The following MAGEE1 variants were observed in gnomAD, a reference collection of about 807,000 sequenced individuals.
MAGEE1 encodes the protein MAGE family member E1.
MAGEE1 carries 3 observed loss-of-function variants against 12.0 expected under a neutral mutation model. The observed-to-expected ratio is 0.25, with a 90% CI of 0.11 to 0.65. The LOEUF (loss-of-function observed/expected upper bound fraction) is 0.65, where lower values mean the gene tolerates loss of function less well. Among genes scored for constraint, MAGEE1 ranks in the 30% least tolerant of loss-of-function variants. The pLI is 0.84. For synonymous variants in MAGEE1, 414 were observed against 326.1 expected (o/e 1.27, Z -2.91); for missense variants, 729 against 772.2 (o/e 0.94, Z 0.66).
chrX:76,428,635 C>G lies in MAGEE1; in HGVS notation c.705C>G (p.Ser235=), dbSNP rs782646427. The G allele has an allele frequency of 8.3e-7, 1 of 1,207,935 alleles. No individual in the cohort carries two copies. The highest frequency in any genetic ancestry group is 3.0e-5 in the East Asian group (1 of 33,713). The change falls in exon 1 of 1, where the codon TCC becomes TCG. Residue 235 remains serine (S), a synonymous_variant. Transcript: ENST00000361470. ...QATPDEGPST[S]VPPTATEGLS... is the part of the protein sequence containing the mutation. ...CTCCTGATGAGGGACCGAGCACCTC[C>G]GTGCCGCCCACCGCCACTGAGGGCC...
In MAGEE1 at chrX:76,429,139, C is replaced by T. The variant is rs781971773; in HGVS notation, c.1209C>T (p.Ser403=). Residue 403 remains serine, a synonymous_variant, in exon 1 of 1, where the codon TCC becomes TCT. Coordinates refer to ENST00000361470, the MANE Select transcript of MAGEE1 (RefSeq NM_020932.3). ...CCGCCCCTGACGGACCGGGAAGCTC[C>T]GTGCTGCCTAACCCTGGTGAGGGCC... ...QPTAPDGPGS[S]VLPNPGEGPS... 4 of 1,211,867 alleles carry T rather than the reference C, an allele frequency of 3.3e-6. No homozygotes were observed. The highest frequency in any genetic ancestry group is 1.7e-5 in the African/African-American group (1 of 58,058).
chrX:76,427,763 A>G lies in MAGEE1; in HGVS notation c.-168A>G. 1 of 541,861 alleles carries G rather than the reference A, an allele frequency of 1.8e-6. No individual in the cohort carries two copies. The highest frequency in any genetic ancestry group is 3.0e-6 in the Non-Finnish European group (1 of 332,791). 44.7% of individuals were successfully genotyped at this position (541,861 alleles called of 1,213,427 possible). ...AGTGCCTGCCTTTTTCACCACCTCT[A>G]ATTTCAGCTTCAGCAGTTGCTTGGA... On this transcript the variant is annotated 5_prime_UTR_variant, in exon 1 of 1. Transcript: ENST00000361470.
In MAGEE1 at chrX:76,428,892, C is replaced by T. The variant is rs374600223; in HGVS notation, c.962C>T (p.Pro321Leu). The change falls in exon 1 of 1, where the codon CCG (proline) becomes CTG (leucine). Residue 321 changes from proline to leucine, a missense_variant. By Grantham distance (98) the Pro-to-Leu change is moderately conservative. Transcript: ENST00000361470. ...TAGEGSSTSV[P>L]PTPGGGLSTS... is the part of the protein sequence containing the mutation. ...GGTGAGGGATCGAGCACCTCCGTGCCGCCCACCCCTGGTGGGGGACTGAGC... is the reference window on the plus strand; with the variant it reads ...GGTGAGGGATCGAGCACCTCCGTGCTGCCCACCCCTGGTGGGGGACTGAGC... The T allele has an allele frequency of 8.3e-6, 10 of 1,205,962 alleles. No individual in the cohort carries two copies. Among genetic ancestry groups the T allele is most frequent in the Admixed American group, 4.4e-5 (2 of 45,629 alleles).
chrX:76,430,059 G>A lies in MAGEE1; in HGVS notation c.2129G>A (p.Arg710Lys). ...GGTTGGCAGGCTCTCCCTCACTTTAGGAGGCCCTTTTTTGAGGAAGCTGCT... is the reference window on the plus strand; with the variant it reads ...GGTTGGCAGGCTCTCCCTCACTTTAAGAGGCCCTTTTTTGAGGAAGCTGCT... ...AEGWQALPHF[R>K]RPFFEEAAAE... is the part of the protein sequence containing the mutation. Residue 710 changes from arginine to lysine, a missense_variant, in exon 1 of 1, where the codon AGG becomes AAG. By Grantham distance (26) the Arg-to-Lys change is conservative (BLOSUM62 2). Around this residue, in one of 4 missense-constraint regions of MAGEE1, gnomAD observed 64 missense variants for 53.4 expected, o/e 1.20. Transcript: ENST00000361470. 1 of 1,209,562 alleles carries A rather than the reference G, an allele frequency of 8.3e-7. No individual in the cohort carries two copies. The highest frequency in any genetic ancestry group is 1.1e-6 in the Non-Finnish European group (1 of 894,252).
In MAGEE1 at chrX:76,430,493, T is replaced by G; in HGVS notation, c.2563T>G (p.Ser855Ala). ...IFIMGNHARESAVWAFLRGLG... is the reference protein window; with the variant it reads ...IFIMGNHAREAAVWAFLRGLG... ...TATTATGGGCAACCATGCCAGGGAG[T>G]CTGCAGTCTGGGCCTTTCTGCGGGG... The change falls in exon 1 of 1, where the codon TCT becomes GCT. Residue 855 changes from serine (S) to alanine (A), a missense_variant. Physicochemically the swap from Ser to Ala is moderately conservative, Grantham distance 99 (BLOSUM62 1). Transcript: ENST00000361470. The G allele has an allele frequency of 8.3e-7, 1 of 1,207,310 alleles. No homozygotes were observed. Among genetic ancestry groups the G allele is most frequent in the Non-Finnish European group, 1.1e-6 (1 of 893,644 alleles).
At position 76,429,074 on chromosome X, in the gene MAGEE1, C is replaced by T. The variant is rs1556839591; in HGVS notation, c.1144C>T (p.Pro382Ser). 3.3e-6 allele frequency: 4 copies of T among 1,211,714 alleles called. No individual in the cohort carries two copies. In the South Asian group the frequency reaches 5.3e-5, roughly 16 times the overall value. The change falls in exon 1 of 1, where the codon CCC becomes TCC. Residue 382 changes from proline (P) to serine (S), a missense_variant. Physicochemically the swap from Pro to Ser is moderately conservative, Grantham distance 74. Coordinates refer to ENST00000361470, the MANE Select transcript of MAGEE1 (RefSeq NM_020932.3). Reference sequence around the variant, plus strand: ...TGATGGATCGGACACCTCCGTGCCGCCCACTCCTGGTGAGGGCGCAAGCAC... The same window carrying T: ...TGATGGATCGGACACCTCCGTGCCGTCCACTCCTGGTGAGGGCGCAAGCAC... Reference protein sequence around the residue: ...ASDGSDTSVPPTPGEGASTLV... With the variant: ...ASDGSDTSVPSTPGEGASTLV...
In MAGEE1 at chrX:76,429,586, C is replaced by G. The variant is rs1556839722; in HGVS notation, c.1656C>G (p.Asp552Glu). 4 of 1,209,359 alleles carry G rather than the reference C, an allele frequency of 3.3e-6. No homozygotes were observed. Among genetic ancestry groups the G allele is most frequent in the Admixed American group, 2.2e-5 (1 of 45,688 alleles). Residue 552 changes from aspartate to glutamate, a missense_variant, in exon 1 of 1, where the codon GAC (aspartate) becomes GAG (glutamate). Around this residue, in one of 4 missense-constraint regions of MAGEE1, gnomAD observed 91 missense variants for 133.8 expected, o/e 0.68. Coordinates refer to ENST00000361470, the MANE Select transcript of MAGEE1 (RefSeq NM_020932.3). Reference sequence around the variant, plus strand: ...TTAGGTTTGAATTGAGAGAACTTGACCCTGAGGCACACACCTACATTCTGT... The same window carrying G: ...TTAGGTTTGAATTGAGAGAACTTGAGCCTGAGGCACACACCTACATTCTGT... ...CIFRFELREL[D>E]PEAHTYILLN...
Position 76,429,627 on chromosome X carries a change from C to A in MAGEE1, c.1697C>A (p.Pro566His). 8.3e-7 allele frequency: 1 copy of A among 1,210,622 alleles called. No homozygotes were observed. Among genetic ancestry groups the A allele is most frequent in the Non-Finnish European group, 1.1e-6 (1 of 895,043 alleles). The stretch of plus-strand genomic sequence containing the variant: ...TACATTCTGTTAAACAAACTGGGAC[C>A]TGTGCCCTTTGAAGGGTTAGAAGAG... ...HTYILLNKLG[P>H]VPFEGLEESP... The change falls in exon 1 of 1, where the codon CCT becomes CAT. Residue 566 changes from proline (P) to histidine (H), a missense_variant. Physicochemically the swap from Pro to His is moderately conservative, Grantham distance 77. This residue lies in a region of MAGEE1 where 91 missense variants were observed against 133.8 expected (regional missense o/e 0.68). Transcript: ENST00000361470.
In MAGEE1 at chrX:76,429,149, A is replaced by T; in HGVS notation, c.1219A>T (p.Asn407Tyr). Residue 407 changes from asparagine (N) to tyrosine (Y), a missense_variant, in exon 1 of 1, where the codon AAC becomes TAC. By Grantham distance (143) the Asn-to-Tyr change is moderately radical. Coordinates refer to ENST00000361470, the MANE Select transcript of MAGEE1 (RefSeq NM_020932.3). ...PDGPGSSVLP[N>Y]PGEGPSTLFS... ...CGGACCGGGAAGCTCCGTGCTGCCT[A>T]ACCCTGGTGAGGGCCCGAGCACATT... 8.3e-7 allele frequency: 1 copy of T among 1,211,902 alleles called. No homozygotes were observed.
rs781971773 is a variant in MAGEE1 at position 76,429,139 on chromosome X, C to G, written c.1209C>G (p.Ser403=). The G allele has an allele frequency of 5.0e-6, 6 of 1,210,971 alleles. No homozygotes were observed. The highest frequency in any genetic ancestry group is 2.2e-5 in the Admixed American group (1 of 46,019). ...QPTAPDGPGS[S]VLPNPGEGPS... Reference sequence around the variant, plus strand: ...CCGCCCCTGACGGACCGGGAAGCTCCGTGCTGCCTAACCCTGGTGAGGGCC... The same window carrying G: ...CCGCCCCTGACGGACCGGGAAGCTCGGTGCTGCCTAACCCTGGTGAGGGCC... The change falls in exon 1 of 1, where the codon TCC becomes TCG. Residue 403 remains serine, a synonymous_variant. Transcript: ENST00000361470.
rs782128323 is a variant in MAGEE1, at chrX:76,429,035, C to T, written c.1105C>T (p.Pro369Ser). 2.9e-5 allele frequency: 35 copies of T among 1,210,829 alleles called. 1 individual carries two copies. Among genetic ancestry groups the T allele is most frequent in the Admixed American group, 6.5e-5 (3 of 46,054 alleles). The change falls in exon 1 of 1, where the codon CCG becomes TCG. Residue 369 changes from proline (P) to serine (S), a missense_variant. Around this residue, in one of 4 missense-constraint regions of MAGEE1, gnomAD observed 473 missense variants for 423.7 expected, o/e 1.12. Transcript: ENST00000361470. ...IPGEGLSTSVPPTASDGSDTS... is the reference protein window; with the variant it reads ...IPGEGLSTSVSPTASDGSDTS... ...CGGTGAGGGACTGAGCACCTCTGTG[C>T]CGCCCACCGCCTCTGATGGATCGGA...
rs1237776487 is a variant in MAGEE1 at position 76,428,917 on chromosome X, C to T, written c.987C>T (p.Ser329=). The change falls in exon 1 of 1, where the codon AGC becomes AGT. Residue 329 remains serine (S), a synonymous_variant. Coordinates refer to ENST00000361470, the MANE Select transcript of MAGEE1 (RefSeq NM_020932.3). ...SVPPTPGGGL[S]TSVPPTATEE... Reference sequence around the variant, plus strand: ...CGCCCACCCCTGGTGGGGGACTGAGCACCTCCGTGCCGCCCACCGCCACTG... The same window carrying T: ...CGCCCACCCCTGGTGGGGGACTGAGTACCTCCGTGCCGCCCACCGCCACTG... 2 of 1,207,960 alleles carry T rather than the reference C, an allele frequency of 1.7e-6. No individual in the cohort carries two copies. Among genetic ancestry groups the T allele is most frequent in the African/African-American group, 3.5e-5 (2 of 56,690 alleles).
In MAGEE1 at chrX:76,429,629, G is replaced by A; in HGVS notation, c.1699G>A (p.Val567Met). ...CATTCTGTTAAACAAACTGGGACCT[G>A]TGCCCTTTGAAGGGTTAGAAGAGAG... ...TYILLNKLGP[V>M]PFEGLEESPN... Residue 567 changes from valine (V) to methionine (M), a missense_variant, in exon 1 of 1, where the codon GTG becomes ATG. Physicochemically the swap from Val to Met is conservative, Grantham distance 21 (BLOSUM62 1). This residue lies in a region of MAGEE1 where 91 missense variants were observed against 133.8 expected (regional missense o/e 0.68). Coordinates refer to ENST00000361470, the MANE Select transcript of MAGEE1 (RefSeq NM_020932.3). 1 of 1,210,635 alleles carries A rather than the reference G, an allele frequency of 8.3e-7. No homozygotes were observed. Among genetic ancestry groups the A allele is most frequent in the Non-Finnish European group, 1.1e-6 (1 of 895,031 alleles).
chrX:76,430,860 C>G lies in MAGEE1; in HGVS notation c.*56C>G, dbSNP rs1266747684. 2 of 320,210 alleles carry G rather than the reference C, an allele frequency of 6.2e-6. No individual in the cohort carries two copies. The highest frequency in any genetic ancestry group is 9.7e-6 in the Non-Finnish European group (2 of 205,186). The allele number at this position is 320,210 out of a possible 1,213,427, so 26.4% of individuals were successfully genotyped here. A position where few individuals can be genotyped will look rare whatever the true frequency, so the allele number is the denominator to read the frequency against. ...AAGGAGGGGCCTTTGAGCCTCAGTT[C>G]TCATGTATTGGGGGGTGGGGGTGGG... is the stretch of plus-strand genomic sequence containing the variant. On this transcript the variant is annotated 3_prime_UTR_variant, in exon 1 of 1. Coordinates refer to ENST00000361470, the MANE Select transcript of MAGEE1 (RefSeq NM_020932.3).
In MAGEE1 at chrX:76,428,752, C is replaced by T; in HGVS notation, c.822C>T (p.Pro274=). The stretch of plus-strand genomic sequence containing the variant: ...AGGGACCGAGCACCTCCGTGCTGCC[C>T]GCCGCCTCTGACGGACAAAGCATCT... ...PGEGPSTSVL[P]AASDGQSISL... The change falls in exon 1 of 1, where the codon CCC becomes CCT. Residue 274 remains proline (P), a synonymous_variant. Coordinates refer to ENST00000361470, the MANE Select transcript of MAGEE1 (RefSeq NM_020932.3). The T allele has an allele frequency of 2.5e-6, 3 of 1,209,672 alleles. No homozygotes were observed. Among genetic ancestry groups the T allele is most frequent in the Non-Finnish European group, 3.4e-6 (3 of 894,913 alleles).
Position 76,429,010 on chromosome X carries a change from C to T in MAGEE1, c.1080C>T (p.Pro360=), listed in dbSNP as rs782397064. ...EGPSTSVLPI[P]GEGLSTSVPP... ...CAAGCACTTCCGTACTGCCAATCCC[C>T]GGTGAGGGACTGAGCACCTCTGTGC... Residue 360 remains proline, a synonymous_variant, in exon 1 of 1, where the codon CCC becomes CCT. Coordinates refer to ENST00000361470, the MANE Select transcript of MAGEE1 (RefSeq NM_020932.3). 1.2e-5 allele frequency: 14 copies of T among 1,210,147 alleles called. No individual in the cohort carries two copies. The highest frequency in any genetic ancestry group is 3.0e-5 in the East Asian group (1 of 33,730).
rs782472224 is a variant in MAGEE1, at chrX:76,429,058, G to A, written c.1128G>A (p.Ser376=). ...TSVPPTASDG[S]DTSVPPTPGE... ...TGCCGCCCACCGCCTCTGATGGATC[G>A]GACACCTCCGTGCCGCCCACTCCTG... is the stretch of plus-strand genomic sequence containing the variant. Residue 376 remains serine (S), a synonymous_variant, in exon 1 of 1, where the codon TCG becomes TCA. Coordinates refer to ENST00000361470, the MANE Select transcript of MAGEE1 (RefSeq NM_020932.3). The A allele has an allele frequency of 1.7e-6, 2 of 1,210,353 alleles. No homozygotes were observed. Among genetic ancestry groups the A allele is most frequent in the Admixed American group, 2.2e-5 (1 of 46,002 alleles).
chrX:76,428,621 G>C lies in MAGEE1; in HGVS notation c.691G>C (p.Gly231Arg), dbSNP rs781840552. The change falls in exon 1 of 1, where the codon GGA becomes CGA. Residue 231 changes from glycine (G) to arginine (R), a missense_variant. This residue lies in a region of MAGEE1 where 473 missense variants were observed against 423.7 expected (regional missense o/e 1.12). Transcript: ENST00000361470. ...CTCCGTGCAGGCCACTCCTGATGAG[G>C]GACCGAGCACCTCCGTGCCGCCCAC... ...STSVQATPDE[G>R]PSTSVPPTAT... 8.3e-7 allele frequency: 1 copy of C among 1,208,024 alleles called. No individual in the cohort carries two copies.
rs1556839746 is a variant in MAGEE1, at chrX:76,429,646, A to G, written c.1716A>G (p.Leu572=). 8.3e-7 allele frequency: 1 copy of G among 1,210,615 alleles called. No individual in the cohort carries two copies. Among genetic ancestry groups the G allele is most frequent in the Non-Finnish European group, 1.1e-6 (1 of 894,981 alleles). Reference sequence around the variant, plus strand: ...TGGGACCTGTGCCCTTTGAAGGGTTAGAAGAGAGCCCAAATGGGCCAAAGA... The same window carrying G: ...TGGGACCTGTGCCCTTTGAAGGGTTGGAAGAGAGCCCAAATGGGCCAAAGA... ...NKLGPVPFEG[L]EESPNGPKMG... is the part of the protein sequence containing the mutation. Residue 572 remains leucine, a synonymous_variant, in exon 1 of 1, where the codon TTA becomes TTG. Transcript: ENST00000361470.
Sources: allele counts gnomAD v4.1 joint callset, GRCh38; gene constraint gnomAD v4.1.1; regional missense constraint gnomAD v4.1.1; transcripts MANE v1.5; gene names NCBI Gene and HGNC (gene_info 2026-07-23, HGNC 2026-07-21).